The following LAMTOR1 variants were observed in gnomAD, a reference collection of about 807,000 sequenced individuals.
LAMTOR1 encodes late endosomal/lysosomal adaptor, MAPK and MTOR activator 1.
A neutral mutation model predicts 20.5 loss-of-function variants in LAMTOR1; 8 were observed. That is an observed-to-expected ratio of 0.39 (90% CI 0.23 to 0.70). The LOEUF (loss-of-function observed/expected upper bound fraction) is 0.70, where lower values mean the gene tolerates loss of function less well. LAMTOR1 is among the 30% of genes least tolerant of loss of function. The pLI, the probability that LAMTOR1 is intolerant of heterozygous loss-of-function variation, is 0.43. For missense variants in LAMTOR1, 135 were observed against 206.2 expected, an observed-to-expected ratio of 0.65 and a Z score of 2.11; for synonymous variants, 77 against 80.9, an observed-to-expected ratio of 0.95 and a Z score of 0.26.
At chr11:72,099,752 T>G (rs1439319224) in intron 1 of LAMTOR1, among the ~76,000 whole-genome samples, 2 of 152,198 alleles carry the variant, frequency 1.3e-5, no homozygotes, top group African/African-American at 2.4e-5. Flanking sequence ...GACAAAGCCC[T>G]AGGCCCCAAG....
Position 72,103,263 on chromosome 11 carries a change from G to C in LAMTOR1, c.-39C>G. The C allele has an allele frequency of 1.3e-6, 2 of 1,548,488 alleles. No individual in the cohort carries two copies. Among genetic ancestry groups the C allele is most frequent in the Non-Finnish European group, 1.7e-6 (2 of 1,146,072 alleles). The stretch of plus-strand genomic sequence containing the variant: ...CCGGGCGCTCAGGCCGCGCCGAGGA[G>C]GGACGGCGTCCGTGAGGAGCCCTTC... On this transcript the variant is annotated 5_prime_UTR_variant, in exon 1 of 5. Coordinates refer to ENST00000278671, the MANE Select transcript of LAMTOR1 (RefSeq NM_017907.3).
Position 72,097,757 on chromosome 11 carries a change from G to A in LAMTOR1, c.*65C>T. On this transcript the variant is annotated 3_prime_UTR_variant, in exon 5 of 5. Transcript: ENST00000278671. ...ACTGTATAAGCCGCAGTGAGGCTGG[G>A]GGCCAAGGGGGTGGGGTAGAGATGG... The A allele has an allele frequency of 6.2e-7, 1 of 1,613,124 alleles. No homozygotes were observed. Among genetic ancestry groups the A allele is most frequent in the Non-Finnish European group, 8.5e-7 (1 of 1,179,786 alleles).
At position 72,098,909 on chromosome 11, in the gene LAMTOR1, A is replaced by G. The variant is rs1945336282; in HGVS notation, c.189-51T>C. ...CATGACAGGTGCTTCCGAGAAGGAC[A>G]AACAGGACTCAGTGCCAGGTACCAA... On this transcript the variant is annotated intron_variant, in intron 2 of 4. Transcript: ENST00000278671. 1.4e-5 allele frequency: 21 copies of G among 1,469,164 alleles called. No individual in the cohort carries two copies. The East Asian group carries it at 5.2e-4, about 36-fold the overall frequency. The allele number at this position is 1,469,164 out of a possible 1,614,324, so 91.0% of individuals were successfully genotyped here.
intron 2 of LAMTOR1, 37 bp downstream of exon 2, chr11:72,099,074 A>G: frequency 6.2e-7 from 1 of 1,609,544 alleles, no homozygotes; most frequent in South Asian, 1.1e-5. Context: ...ATATGGATAG[A>G]GGAGCTCTGA....
intron 1 of LAMTOR1, among the ~76,000 whole-genome samples, chr11:72,102,818 A>G (rs574868452): frequency 1.3e-5 from 2 of 152,292 alleles, no homozygotes; most frequent in African/African-American, 4.8e-5. Context: ...CCACCCCTAA[A>G]ATGGATTCGC....
At chr11:72,099,668 C>A (rs1027580654) in intron 1 of LAMTOR1, among the ~76,000 whole-genome samples, 1 of 152,208 alleles carries the variant, frequency 6.6e-6, no homozygotes, top group Non-Finnish European at 1.5e-5. Context: ...CAAGAACAGC[C>A]TTCCTCATCC....
intron 2 of LAMTOR1, 106 bp downstream of exon 2, chr11:72,099,005 C>T: frequency 6.7e-7 from 1 of 1,482,574 alleles, no homozygotes; most frequent in Non-Finnish European, 9.2e-7. Flanking sequence ...GCACCTCTCC[C>T]CAGTGACCTT....
Position 72,097,342 on chromosome 11 carries a change from A to G in LAMTOR1, c.*480T>C. The G allele has an allele frequency of 1.0e-6, 1 of 995,780 alleles. No homozygotes were observed. Among genetic ancestry groups the G allele is most frequent in the Non-Finnish European group, 1.2e-6 (1 of 835,418 alleles). 61.7% of individuals were successfully genotyped at this position (995,780 alleles called of 1,614,324 possible). On this transcript the variant is annotated 3_prime_UTR_variant, in exon 5 of 5. Transcript: ENST00000278671. ...GGGTGACAAACCAAAACAAAAAAAG[A>G]CCAAACATGTAAAAACCCAGGGTTC...
Position 72,097,774 on chromosome 11 carries a change from T to C in LAMTOR1, c.*48A>G, listed in dbSNP as rs1591173634. 6.2e-7 allele frequency: 1 copy of C among 1,613,014 alleles called. No homozygotes were observed. Among genetic ancestry groups the C allele is most frequent in the Non-Finnish European group, 8.5e-7 (1 of 1,179,524 alleles). On this transcript the variant is annotated 3_prime_UTR_variant, in exon 5 of 5. Transcript: ENST00000278671. ...GAGGCTGGGGGCCAAGGGGGTGGGG[T>C]AGAGATGGGATGAAGAGAGGAGAAG...
rs1431186664 is a variant in LAMTOR1, at chr11:72,098,276, A to G, written c.393+13T>C. 1 of 1,610,400 alleles carries G rather than the reference A, an allele frequency of 6.2e-7. No individual in the cohort carries two copies. On this transcript the variant is annotated intron_variant, in intron 4 of 4. Coordinates refer to ENST00000278671, the MANE Select transcript of LAMTOR1 (RefSeq NM_017907.3). ...TGAGAAGGGTGGGCAGGGGCAGGTG[A>G]GGGGTGTCTCACCTGCTGCAAATCA... is the stretch of plus-strand genomic sequence containing the variant.
chr11:72,103,047 T>TGTAATCTGTCCCCTCC (rs1182871998), intron 1 of LAMTOR1, 136 bp downstream of exon 1: 3 of 1,194,198 alleles, frequency 2.5e-6, no homozygotes, highest in Non-Finnish European at 3.6e-6. Flanking sequence ...GCGTCTCCTC[T>TGTAATCTGTCCCCTCC]GTAATCTGTC....
Position 72,099,312 on chromosome 11 carries a change from A to G in LAMTOR1, c.43-56T>C. The G allele has an allele frequency of 2.0e-6, 3 of 1,505,632 alleles. No homozygotes were observed. The East Asian group carries it at 7.0e-5, about 35-fold the overall frequency. The allele number at this position is 1,505,632 out of a possible 1,614,324, so 93.3% of individuals were successfully genotyped here. Reference sequence around the variant, plus strand: ...CCAGGACCCGTAGATCCTGCCTTTCACGGGTGCTACCCTTAGCCCAGCTCT... The same window carrying G: ...CCAGGACCCGTAGATCCTGCCTTTCGCGGGTGCTACCCTTAGCCCAGCTCT... On this transcript the variant is annotated intron_variant, in intron 1 of 4. Coordinates refer to ENST00000278671, the MANE Select transcript of LAMTOR1 (RefSeq NM_017907.3).
At chr11:72,098,972 C>A in intron 2 of LAMTOR1, 114 bp from the exon 3 acceptor site, 1 of 1,381,278 alleles carries the variant, frequency 7.2e-7, no homozygotes, top group Admixed American at 2.0e-5. Flanking sequence ...CTCCTGCCTA[C>A]TGGAGCAGGG....
At chr11:72,098,561 A>C (rs1014983180) in intron 3 of LAMTOR1, 146 bp from the exon 4 acceptor site, 1 of 1,054,202 alleles carries the variant, frequency 9.5e-7, no homozygotes, top group Non-Finnish European at 1.4e-6. Flanking sequence ...TCACAGACTC[A>C]ATCTAGGCCC....
intron 1 of LAMTOR1, among the ~76,000 whole-genome samples, chr11:72,101,768 A>C (rs1945448967): frequency 6.6e-6 from 1 of 152,142 alleles, no homozygotes; most frequent in South Asian, 2.1e-4. Context: ...AACAGAAATG[A>C]GAGCCCCCCA....
Position 72,103,257 on chromosome 11 carries a change from C to T in LAMTOR1, c.-33G>A. Reference sequence around the variant, plus strand: ...GTCGGGCCGGGCGCTCAGGCCGCGCCGAGGAGGGACGGCGTCCGTGAGGAG... The same window carrying T: ...GTCGGGCCGGGCGCTCAGGCCGCGCTGAGGAGGGACGGCGTCCGTGAGGAG... On this transcript the variant is annotated 5_prime_UTR_variant, in exon 1 of 5. Transcript: ENST00000278671. 1 of 1,549,244 alleles carries T rather than the reference C, an allele frequency of 6.5e-7. No individual in the cohort carries two copies.
chr11:72,102,756 A>G lies in LAMTOR1; in HGVS notation c.42+427T>C, dbSNP rs1454455136. Among the ~76,000 whole-genome samples, 2 of 152,210 alleles carry G rather than the reference A, an allele frequency of 1.3e-5. 1 individual carries two copies. The highest frequency in any genetic ancestry group is 3.8e-4 in the East Asian group (2 of 5,196). Reference sequence around the variant, plus strand: ...CTGCAACCCCAGGGACTAAGACGATACACGAATTCCTGATTCATCTCAGGA... The same window carrying G: ...CTGCAACCCCAGGGACTAAGACGATGCACGAATTCCTGATTCATCTCAGGA... On this transcript the variant is annotated intron_variant, in intron 1 of 4. Coordinates refer to ENST00000278671, the MANE Select transcript of LAMTOR1 (RefSeq NM_017907.3).
Position 72,097,600 on chromosome 11 carries a change from C to G in LAMTOR1, c.*222G>C. The G allele has an allele frequency of 7.3e-7, 1 of 1,367,446 alleles. No individual in the cohort carries two copies. The highest frequency in any genetic ancestry group is 9.5e-7 in the Non-Finnish European group (1 of 1,057,732). 84.7% of individuals were successfully genotyped at this position (1,367,446 alleles called of 1,614,324 possible). ...GACATACCAGGCTCTGTCCTTTTGG[C>G]CCCCACCCCATCCCTGGCCAGAGCT... On this transcript the variant is annotated 3_prime_UTR_variant, in exon 5 of 5. Transcript: ENST00000278671.
chr11:72,101,654 C>G (rs1164197740), intron 1 of LAMTOR1, among the ~76,000 whole-genome samples: 3 of 152,088 alleles, frequency 2.0e-5, no homozygotes, highest in East Asian at 3.9e-4. Flanking sequence ...GGGGCCTGCC[C>G]AAGAACTCAA....
Sources: gnomAD v4.1 joint callset for allele counts (sites outside exome capture counted in the v4.1 genomes callset) on GRCh38, gnomAD v4.1.1 for gene constraint, MANE v1.5 for transcripts, NCBI Gene and HGNC (gene_info 2026-07-23, HGNC 2026-07-21) for gene names.